The following PLCB4 variants were observed in gnomAD, a reference collection of about 807,000 sequenced individuals.
The protein encoded by PLCB4 is phospholipase C beta 4, also known as 1-phosphatidylinositol 4,5-bisphosphate phosphodiesterase beta-4.
A neutral mutation model predicts 178.8 loss-of-function variants in PLCB4; 77 were observed. That is an observed-to-expected ratio of 0.43 (90% CI 0.36 to 0.52). The LOEUF (loss-of-function observed/expected upper bound fraction) is 0.52. Ranked by LOEUF, PLCB4 falls within the 20% of genes least tolerant of loss-of-function variation. The pLI is 0.00. For synonymous variants in PLCB4, 496 were observed against 490.8 expected (o/e 1.01, Z -0.14); for missense variants, 1,024 against 1,453.4 (o/e 0.70, Z 4.80).
At chr20:9,271,107 T>C (rs1262041002) in intron 3 of PLCB4, among the ~76,000 whole-genome samples, 1 of 152,180 alleles carries the variant, frequency 6.6e-6, no homozygotes, top group East Asian at 1.9e-4. Context: ...TTGGGCAGAA[T>C]GTAATTTCCA....
chr20:9,205,234 T>C (rs888899110), intron 2 of PLCB4, among the ~76,000 whole-genome samples: 1 of 152,198 alleles, frequency 6.6e-6, no homozygotes, highest in Admixed American at 6.5e-5. Context: ...CGCTTAACTA[T>C]AAAATAGGCT....
chr20:9,242,281 G>A lies in PLCB4; in HGVS notation c.-16+24829G>A, dbSNP rs144593578. Among the ~76,000 whole-genome samples the A allele has an allele frequency of 1.1e-3, 174 of 152,316 alleles. 1 individual carries two copies. Among genetic ancestry groups the A allele is most frequent in the African/African-American group, 3.9e-3 (161 of 41,580 alleles). ...TCATGGGTATGGTAGACTCCCCAGT[G>A]CTCGCAGAGTGGAGGAAGTTCAGAG... is the stretch of plus-strand genomic sequence containing the variant. On this transcript the variant is annotated intron_variant, in intron 3 of 39. Coordinates refer to ENST00000378473, the MANE Select transcript of PLCB4 (RefSeq NM_001377142.1).
chr20:9,154,905 CTCCT>C (rs771256316), intron 2 of PLCB4, among the ~76,000 whole-genome samples: 10,037 of 61,862 alleles, frequency 0.16, 754 homozygotes, highest in African/African-American at 0.18. Context: ...CCCTCCTTCC[CTCCT>C]TCCTTCCTTC....
chr20:9,303,939 T>C (rs2147848395), intron 3 of PLCB4, among the ~76,000 whole-genome samples: 1 of 152,242 alleles, frequency 6.6e-6, no homozygotes, highest in African/African-American at 2.4e-5. Context: ...CACTTTTCAT[T>C]GTAAATGTTG....
intron 19 of PLCB4, among the ~76,000 whole-genome samples, chr20:9,399,261 G>GGA (rs1335390749): frequency 1.3e-5 from 2 of 152,156 alleles, no homozygotes; most frequent in African/African-American, 4.8e-5. Context: ...TATCCACGTA[G>GGA]GAAAGTACCT....
intron 2 of PLCB4, among the ~76,000 whole-genome samples, chr20:9,147,459 G>A (rs1568836584): frequency 6.6e-6 from 1 of 152,104 alleles, no homozygotes. Flanking sequence ...GTAAGTTTCG[G>A]GGGGTTCAGC....
At chr20:9,197,873 G>T (rs1216429904) in intron 2 of PLCB4, among the ~76,000 whole-genome samples, 1 of 152,196 alleles carries the variant, frequency 6.6e-6, no homozygotes, top group Non-Finnish European at 1.5e-5. Flanking sequence ...TACTTGGGAG[G>T]CTGAGGCAGG....
intron 7 of PLCB4, among the ~76,000 whole-genome samples, chr20:9,350,762 T>A (rs1415017802): frequency 1.3e-5 from 2 of 152,160 alleles, no homozygotes; most frequent in Non-Finnish European, 2.9e-5. Context: ...TTTCACCATG[T>A]TGACCAGGCT....
chr20:9,442,549 A>T (rs971274690), intron 30 of PLCB4, among the ~76,000 whole-genome samples: 6 of 152,290 alleles, frequency 3.9e-5, no homozygotes, highest in East Asian at 1.9e-4. Context: ...TGAGAGAGAG[A>T]GTGTAAGTTT....
At chr20:9,287,570 C>T (rs1406847680) in intron 3 of PLCB4, among the ~76,000 whole-genome samples, 1 of 151,988 alleles carries the variant, frequency 6.6e-6, no homozygotes, top group Non-Finnish European at 1.5e-5. Context: ...TATCCCACTG[C>T]TTATCTGATT....
chr20:9,236,702 G>A (rs1344912235), intron 3 of PLCB4, among the ~76,000 whole-genome samples: 1 of 152,154 alleles, frequency 6.6e-6, no homozygotes, highest in Admixed American at 6.5e-5. Flanking sequence ...GATGGGAGAG[G>A]CACTTATTTC....
intron 30 of PLCB4, among the ~76,000 whole-genome samples, chr20:9,443,356 T>TA (rs374904154): frequency 7.2e-5 from 11 of 152,342 alleles, no homozygotes; most frequent in Non-Finnish European, 1.6e-4. Flanking sequence ...AAGGTAAGAA[T>TA]AAGGATAATA....
At position 9,460,728 on chromosome 20, in the gene PLCB4, TAAATC is replaced by T. The variant is rs780270810; in HGVS notation, c.3248+922_3248+926del. Among the ~76,000 whole-genome samples, 70 of 152,168 alleles carry T rather than the reference TAAATC, an allele frequency of 4.6e-4. 1 individual carries two copies. The highest frequency in any genetic ancestry group is 1.3e-4 in the Non-Finnish European group (9 of 68,036). On this transcript the variant is annotated intron_variant, in intron 35 of 39. Transcript: ENST00000378473. Reference sequence around the variant, plus strand: ...GTAGAAAATAGAAGCATTATACAAATAAATCAAACAAAAAAATGTGTTTAATGCCA... The same window carrying T: ...GTAGAAAATAGAAGCATTATACAAATAAACAAAAAAATGTGTTTAATGCCA...
Position 9,437,107 on chromosome 20 carries a change from C to T in PLCB4, c.2719C>T (p.Pro907Ser). 1 of 1,614,084 alleles carries T rather than the reference C, an allele frequency of 6.2e-7. No individual in the cohort carries two copies. The highest frequency in any genetic ancestry group is 8.5e-7 in the Non-Finnish European group (1 of 1,179,970). ...CCCTCAGAGTAGCTCTGAGCTCAGA[C>T]CAACCACCACGGCTGCCCTGGCCTC... is the stretch of plus-strand genomic sequence containing the variant. ...VTPQSSSELRPTTTAALASGV... is the reference protein window; with the variant it reads ...VTPQSSSELRSTTTAALASGV... Residue 907 changes from proline to serine, a missense_variant, in exon 30 of 40, where the codon CCA becomes TCA. By Grantham distance (74) the Pro-to-Ser change is moderately conservative (BLOSUM62 -1). This residue lies in a region of PLCB4 where 227 missense variants were observed against 374.3 expected (regional missense o/e 0.61). Coordinates refer to ENST00000378473, the MANE Select transcript of PLCB4 (RefSeq NM_001377142.1).
intron 1 of PLCB4, among the ~76,000 whole-genome samples, chr20:9,069,839 G>T (rs1481809879): frequency 6.6e-6 from 1 of 152,114 alleles, no homozygotes; most frequent in Admixed American, 6.5e-5. Flanking sequence ...ACTTTATCTA[G>T]AATCATAAAA....
intron 2 of PLCB4, among the ~76,000 whole-genome samples, chr20:9,109,329 A>G (rs947433192): frequency 3.3e-5 from 5 of 152,210 alleles, no homozygotes; most frequent in Non-Finnish European, 7.3e-5. Flanking sequence ...TCTGGAAATT[A>G]TGAATAAAAA....
rs143112429 is a variant in PLCB4, at chr20:9,220,506, C to T, written c.-16+3054C>T. ...AAAAAGTTAGCTGGGCATGGTGGCA[C>T]ATGCCTGTAATCCCAGCGATTCGAG... On this transcript the variant is annotated intron_variant, in intron 3 of 39. Coordinates refer to ENST00000378473, the MANE Select transcript of PLCB4 (RefSeq NM_001377142.1). Among the ~76,000 whole-genome samples the T allele has an allele frequency of 9.5e-3, 1,445 of 152,246 alleles. 73 individuals carry two copies. Among genetic ancestry groups the T allele is most frequent in the Admixed American group, 0.087 (1,336 of 15,286 alleles).
chr20:9,445,312 T>A (rs557802571), intron 32 of PLCB4, among the ~76,000 whole-genome samples: 1 of 152,248 alleles, frequency 6.6e-6, no homozygotes, highest in Non-Finnish European at 1.5e-5. Context: ...ATTTATTAAT[T>A]TGAAAGAACT....
chr20:9,099,081 T>C (rs2091041504), intron 2 of PLCB4, among the ~76,000 whole-genome samples: 1 of 152,030 alleles, frequency 6.6e-6, no homozygotes, highest in African/African-American at 2.4e-5. Context: ...TTAAATCTAC[T>C]TTATACTACT....
Sources: gnomAD v4.1 joint callset for allele counts (sites outside exome capture counted in the v4.1 genomes callset) on GRCh38, gnomAD v4.1.1 for gene constraint, gnomAD v4.1.1 regional missense constraint, MANE v1.5 for transcripts, NCBI Gene and HGNC (gene_info 2026-07-23, HGNC 2026-07-21) for gene names.